Variants in KIF13A observed in about 807,000 individuals in gnomAD.
KIF13A encodes the protein kinesin-like protein KIF13A.
KIF13A carries 79 observed loss-of-function variants against 212.2 expected under a neutral mutation model. The ratio of observed to expected loss-of-function variants is 0.37; its 90% CI spans 0.31 to 0.45. The LOEUF (loss-of-function observed/expected upper bound fraction) is 0.45. Among genes scored for constraint, KIF13A ranks in the 20% least tolerant of loss-of-function variants. The pLI is 1.00. For synonymous variants in KIF13A, 789 were observed against 808.6 expected (o/e 0.98, Z 0.41); for missense variants, 1,901 against 2,209.0 (o/e 0.86, Z 2.79).
At chr6:17,910,921 C>T (rs1038076795) in intron 2 of KIF13A, among the ~76,000 whole-genome samples, 4 of 152,144 alleles carry the variant, frequency 2.6e-5, no homozygotes, top group Non-Finnish European at 5.9e-5. Flanking sequence ...TGCCACCATG[C>T]CCAGCTAATG....
chr6:17,837,815 T>C lies in KIF13A; in HGVS notation c.831-232A>G, dbSNP rs1766110348. Among the ~76,000 whole-genome samples the C allele has an allele frequency of 6.6e-6, 1 of 151,274 alleles. No individual in the cohort carries two copies. The highest frequency in any genetic ancestry group is 2.1e-4 in the South Asian group (1 of 4,794). On this transcript the variant is annotated intron_variant, in intron 9 of 38. Transcript: ENST00000259711. The surrounding 1 kb of genome is among the most constrained non-coding windows in gnomAD (Gnocchi z 5.4). ...AAAAATACAAAAAATTAGCTGGGCGTGGTGGCAGGTGCCTGTAATCCCAGC... is the reference window on the plus strand; with the variant it reads ...AAAAATACAAAAAATTAGCTGGGCGCGGTGGCAGGTGCCTGTAATCCCAGC...
chr6:17,814,666 T>C (rs993459382), intron 17 of KIF13A, among the ~76,000 whole-genome samples: 1 of 152,246 alleles, frequency 6.6e-6, no homozygotes, highest in African/African-American at 2.4e-5. Context: ...TAAGGCAGGA[T>C]ATTTAAACTG....
rs986302981 is a variant in KIF13A at position 17,830,170 on chromosome 6, T to C, written c.1401+931A>G. 6.7e-4 allele frequency among the ~76,000 whole-genome samples: 102 copies of C among 152,342 alleles called. 1 individual carries two copies. Among genetic ancestry groups the C allele is most frequent in the African/African-American group, 2.0e-3 (82 of 41,574 alleles). ...GAGTAAGCAAGCAGTTCTAAAAGTG[T>C]GATCTGAGAACCCCCGGGGTCTCTG... On this transcript the variant is annotated intron_variant, in intron 13 of 38. Transcript: ENST00000259711.
chr6:17,938,439 T>C (rs1490163778), intron 2 of KIF13A, among the ~76,000 whole-genome samples: 1 of 152,126 alleles, frequency 6.6e-6, no homozygotes, highest in African/African-American at 2.4e-5. Flanking sequence ...GAAGAAATCA[T>C]GAAGGGCTTC....
rs781061576 is a variant in KIF13A, at chr6:17,818,021, T to C, written c.1787-788A>G. Among the ~76,000 whole-genome samples the C allele has an allele frequency of 3.9e-5, 6 of 152,142 alleles. No homozygotes were observed. The South Asian group carries it at 1.2e-3, about 31-fold the overall frequency. On this transcript the variant is annotated intron_variant, in intron 16 of 38. Transcript: ENST00000259711. Reference sequence around the variant, plus strand: ...TGGTAATGACCAATAAGCTGGATACTGTGGAGAAAGATCAAGGCTCTGGGT... The same window carrying C: ...TGGTAATGACCAATAAGCTGGATACCGTGGAGAAAGATCAAGGCTCTGGGT...
intron 3 of KIF13A, chr6:17,882,029 T>G: frequency 2.2e-6 from 1 of 456,830 alleles, no homozygotes; most frequent in Non-Finnish European, 4.4e-6. Context: ...ATCTTCTATG[T>G]TCCCTGCAGA....
In KIF13A at chr6:17,926,118, G is replaced by A. The variant is rs531794711; in HGVS notation, c.147-27938C>T. 2.6e-5 allele frequency among the ~76,000 whole-genome samples: 4 copies of A among 152,008 alleles called. No homozygotes were observed. The highest frequency in any genetic ancestry group is 2.1e-4 in the South Asian group (1 of 4,820). Reference sequence around the variant, plus strand: ...TAATTAAAGTAGTCATCATGTCCACGGTCCTACTAATTCTGAAAAGAAATG... The same window carrying A: ...TAATTAAAGTAGTCATCATGTCCACAGTCCTACTAATTCTGAAAAGAAATG... On this transcript the variant is annotated intron_variant, in intron 2 of 38. Transcript: ENST00000259711. The surrounding 1 kb of genome is among the most constrained non-coding windows in gnomAD (Gnocchi z 4.3).
At chr6:17,966,829 T>C (rs1485526739) in intron 2 of KIF13A, among the ~76,000 whole-genome samples, 2 of 152,150 alleles carry the variant, frequency 1.3e-5, no homozygotes, top group African/African-American at 4.8e-5. Context: ...ATTTTTTGAG[T>C]ATTTGCTGTA....
At chr6:17,820,786 T>C (rs1310251528) in intron 16 of KIF13A, among the ~76,000 whole-genome samples, 1 of 152,152 alleles carries the variant, frequency 6.6e-6, no homozygotes, top group Non-Finnish European at 1.5e-5. Context: ...AGTAGGTAAC[T>C]ATGCAATGAG....
intron 2 of KIF13A, among the ~76,000 whole-genome samples, chr6:17,981,426 CTTTTTTTTTTTTT>C (rs565958562): frequency 3.0e-5 from 4 of 134,302 alleles, no homozygotes; most frequent in African/African-American, 8.3e-5. Flanking sequence ...TTTCTTTTTT[CTTTTTTTTTTTTT>C]TTTTGAGACA....
At position 17,895,819 on chromosome 6, in the gene KIF13A, C is replaced by T. The variant is rs1483308330; in HGVS notation, c.159+2349G>A. Among the ~76,000 whole-genome samples the T allele has an allele frequency of 1.3e-5, 2 of 152,186 alleles. No homozygotes were observed. The highest frequency in any genetic ancestry group is 1.5e-5 in the Non-Finnish European group (1 of 68,038). The stretch of plus-strand genomic sequence containing the variant: ...GGCTTATCTCCAGTGCCTTCAAGCA[C>T]AAGTTTTTAATATTTTGTCCAGTCC... On this transcript the variant is annotated intron_variant, in intron 3 of 38. Transcript: ENST00000259711. The surrounding 1 kb of genome is among the most constrained non-coding windows in gnomAD (Gnocchi z 4.4).
intron 2 of KIF13A, among the ~76,000 whole-genome samples, chr6:17,981,773 GAGA>G (rs1204811878): frequency 1.3e-5 from 2 of 152,110 alleles, no homozygotes; most frequent in South Asian, 2.1e-4. Context: ...TATGGGCAGA[GAGA>G]AGAATAACAA....
intron 2 of KIF13A, among the ~76,000 whole-genome samples, chr6:17,943,400 A>ATTTTTTTTT (rs11311833): frequency 5.3e-5 from 7 of 132,288 alleles, no homozygotes; most frequent in African/African-American, 5.8e-5. Flanking sequence ...TAAAACACAG[A>ATTTTTTTTT]TTTTTTTTTT....
chr6:17,817,326 C>T (rs1764039237), intron 16 of KIF13A, 93 bp from the exon 17 acceptor site: 6 of 1,069,140 alleles, frequency 5.6e-6, no homozygotes, highest in Non-Finnish European at 5.7e-6. Context: ...CTTCCTCTAG[C>T]AAGGAATCTA....
intron 2 of KIF13A, among the ~76,000 whole-genome samples, chr6:17,955,084 C>T (rs1318106898): frequency 6.6e-6 from 1 of 152,170 alleles, no homozygotes; most frequent in East Asian, 1.9e-4. Context: ...CCTGCCGCCA[C>T]CTCCCAAAGT....
In KIF13A at chr6:17,923,024, C is replaced by G. The variant is rs1035674346; in HGVS notation, c.147-24844G>C. Among the ~76,000 whole-genome samples the G allele has an allele frequency of 2.6e-5, 4 of 151,864 alleles. No homozygotes were observed. The South Asian group carries it at 8.3e-4, about 32-fold the overall frequency. On this transcript the variant is annotated intron_variant, in intron 2 of 38. Transcript: ENST00000259711. ...TGGTGGTTCACGCCTCTAATCACAG[C>G]ACTTTGGGAGGCTGAGGCAGGTGGA...
chr6:17,942,335 A>AATAT (rs10599616), intron 2 of KIF13A, among the ~76,000 whole-genome samples: 2,706 of 145,566 alleles, frequency 0.019, 21 homozygotes, highest in Non-Finnish European at 0.024. Flanking sequence ...AACAACAACA[A>AATAT]ATATATATAT....
intron 38 of KIF13A, chr6:17,770,361 A>ATTTTTTTTTTTTTTTTTTTTTTTTT (rs200616640): frequency 2.5e-5 from 3 of 119,444 alleles, no homozygotes; most frequent in Non-Finnish European, 3.5e-5. Context: ...AATAAACAGG[A>ATTTTTTTTTTTTTTTTTTTTTTTTT]TTTTTTTTTT....
rs1764960189 is a variant in KIF13A, at chr6:17,826,352, C to A, written c.1533-228G>T. Among the ~76,000 whole-genome samples the A allele has an allele frequency of 6.6e-6, 1 of 152,208 alleles. No individual in the cohort carries two copies. The highest frequency in any genetic ancestry group is 2.4e-5 in the African/African-American group (1 of 41,448). On this transcript the variant is annotated intron_variant, in intron 14 of 38. Coordinates refer to ENST00000259711, the MANE Select transcript of KIF13A (RefSeq NM_022113.6). This position sits in a 1 kb window ranked among gnomAD's most constrained non-coding sequence, Gnocchi z 4.7. ...GAATGACAACCTAACATGATGCACT[C>A]CTGATGGAGACAGAAAGCACCACCC...
Sources: allele counts gnomAD v4.1 joint callset (sites outside exome capture counted in the v4.1 genomes callset), GRCh38; gene constraint gnomAD v4.1.1; non-coding constraint Gnocchi (gnomAD v3.1); transcripts MANE v1.5; gene names NCBI Gene and HGNC (gene_info 2026-07-23, HGNC 2026-07-21).